PTPRN2: variants seen among roughly 807,000 people sequenced by gnomAD.
PTPRN2 encodes the protein protein tyrosine phosphatase receptor type N2, also known as receptor-type tyrosine-protein phosphatase N2.
A neutral mutation model predicts 118.8 loss-of-function variants in PTPRN2; 74 were observed. The ratio of observed to expected loss-of-function variants is 0.62; its 90% CI spans 0.52 to 0.76. The LOEUF (loss-of-function observed/expected upper bound fraction) is 0.76. PTPRN2 is among the 30% of genes least tolerant of loss of function. PTPRN2 has a pLI of 0.00. For missense variants in PTPRN2, 1,481 were observed against 1,394.4 expected, an observed-to-expected ratio of 1.06 and a Z score of -0.99; for synonymous variants, 641 against 608.0, an observed-to-expected ratio of 1.05 and a Z score of -0.80.
At position 158,093,324 on chromosome 7, in the gene PTPRN2, G is replaced by A. The variant is rs1274771706; in HGVS notation, c.1644-11947C>T. Reference sequence around the variant, plus strand: ...GTAGACCCACACGCAGGCCTGCACCGTCCTTTCCTGACTCTGCCGCTGGAC... The same window carrying A: ...GTAGACCCACACGCAGGCCTGCACCATCCTTTCCTGACTCTGCCGCTGGAC... On this transcript the variant is annotated intron_variant, in intron 10 of 22. Transcript: ENST00000389418. This position sits in a 1 kb window ranked among gnomAD's most constrained non-coding sequence, Gnocchi z 4.4. Among the ~76,000 whole-genome samples the A allele has an allele frequency of 2.1e-5, 3 of 142,186 alleles. No individual in the cohort carries two copies. The highest frequency in any genetic ancestry group is 7.1e-5 in the Admixed American group (1 of 14,086). 93.3% of individuals were successfully genotyped at this position (142,186 alleles called of 152,430 possible).
chr7:158,541,826 C>T, intron 1 of PTPRN2: 1 of 773,628 alleles, frequency 1.3e-6, no homozygotes, highest in Non-Finnish European at 1.6e-6. Context: ...TGAGAGACTG[C>T]AGAGCACCAC....
At chr7:158,437,993 G>GCCTCTTTC (rs1417175852) in intron 2 of PTPRN2, among the ~76,000 whole-genome samples, 1 of 152,180 alleles carries the variant, frequency 6.6e-6, no homozygotes, top group Non-Finnish European at 1.5e-5. Flanking sequence ...TGGTTTCTCA[G>GCCTCTTTC]CCTCTTTCGA....
intron 12 of PTPRN2, among the ~76,000 whole-genome samples, chr7:157,699,162 G>T (rs545088470): frequency 2.7e-4 from 41 of 152,294 alleles, no homozygotes; most frequent in African/African-American, 9.4e-4. Context: ...GTAAATGTTT[G>T]TTTCACAATT....
At chr7:158,387,084 G>A (rs573717903) in intron 2 of PTPRN2, among the ~76,000 whole-genome samples, 3 of 152,258 alleles carry the variant, frequency 2.0e-5, no homozygotes, top group Admixed American at 2.0e-4. Flanking sequence ...CTAGAACACG[G>A]GAGGCTCTGC....
At chr7:157,578,452 C>T (rs1800174334) in intron 17 of PTPRN2, among the ~76,000 whole-genome samples, 1 of 152,206 alleles carries the variant, frequency 6.6e-6, no homozygotes, top group Admixed American at 6.5e-5. Flanking sequence ...CAACGCCACA[C>T]ATAACAGCCA....
At chr7:157,723,746 G>A (rs1010291550) in intron 12 of PTPRN2, among the ~76,000 whole-genome samples, 1 of 152,192 alleles carries the variant, frequency 6.6e-6, no homozygotes, top group African/African-American at 2.4e-5. Context: ...CTGATGAAAG[G>A]CAAGCTCTGG....
chr7:157,884,374 G>A (rs1040880767), intron 12 of PTPRN2, among the ~76,000 whole-genome samples: 2 of 152,178 alleles, frequency 1.3e-5, no homozygotes, highest in South Asian at 4.1e-4. Flanking sequence ...TGTTTATAAA[G>A]GAGTCCTCCA....
At chr7:158,151,526 C>CTGCCCCTGCCTGCCCACACCACCCGCCT (rs1821154499) in intron 6 of PTPRN2, among the ~76,000 whole-genome samples, 1 of 151,710 alleles carries the variant, frequency 6.6e-6, no homozygotes, top group Non-Finnish European at 1.5e-5. Context: ...ACCGCACGTC[C>CTGCCCCTGCCTGCCCACACCACCCGCCT]TACTCCAGGC....
chr7:157,713,757 C>T (rs1390516123), intron 12 of PTPRN2, among the ~76,000 whole-genome samples: 4 of 152,218 alleles, frequency 2.6e-5, no homozygotes, highest in African/African-American at 9.7e-5. Flanking sequence ...CAGCTGTGGC[C>T]AGATCCAGCT....
At chr7:157,741,709 C>T (rs1337386328) in intron 12 of PTPRN2, among the ~76,000 whole-genome samples, 4 of 152,168 alleles carry the variant, frequency 2.6e-5, no homozygotes, top group Non-Finnish European at 5.9e-5. Flanking sequence ...AAGGGGACAA[C>T]TGTTTGGCCA....
chr7:158,355,554 C>T (rs1482135556), intron 2 of PTPRN2, among the ~76,000 whole-genome samples: 1 of 152,220 alleles, frequency 6.6e-6, no homozygotes, highest in Non-Finnish European at 1.5e-5. Flanking sequence ...CCACCAGCAA[C>T]AACGGCAGGA....
intron 6 of PTPRN2, among the ~76,000 whole-genome samples, chr7:158,158,433 G>A (rs1034062545): frequency 3.3e-5 from 5 of 152,288 alleles, no homozygotes; most frequent in South Asian, 2.1e-4. Context: ...CGGAAGGCTC[G>A]AAGGAGAAGA....
In PTPRN2 at chr7:158,357,873, G is replaced by A. The variant is rs369182554; in HGVS notation, c.164-40941C>T. The stretch of plus-strand genomic sequence containing the variant: ...CGCCAGCCCTCAACTCTGGCTCACC[G>A]TCCCACCACCAACTAGAGGGCCCCG... On this transcript the variant is annotated intron_variant, in intron 2 of 22. Coordinates refer to ENST00000389418, the MANE Select transcript of PTPRN2 (RefSeq NM_002847.5). Among the ~76,000 whole-genome samples the A allele has an allele frequency of 5.9e-5, 9 of 152,298 alleles. 1 individual carries two copies. The highest frequency in any genetic ancestry group is 4.1e-4 in the South Asian group (2 of 4,820).
At chr7:158,235,180 TG>T (rs1381364051) in intron 3 of PTPRN2, among the ~76,000 whole-genome samples, 5 of 152,210 alleles carry the variant, frequency 3.3e-5, no homozygotes, top group Non-Finnish European at 7.3e-5. Flanking sequence ...GAGAATAGTA[TG>T]GAGGTTGCTC....
intron 5 of PTPRN2, among the ~76,000 whole-genome samples, chr7:158,168,891 T>C (rs987534241): frequency 6.6e-6 from 1 of 152,210 alleles, no homozygotes; most frequent in African/African-American, 2.4e-5. Context: ...TTCATCAAAA[T>C]GTCATGGACA....
rs62478433 is a variant in PTPRN2 at position 158,407,655 on chromosome 7, C to G, written c.163+82080G>C. On this transcript the variant is annotated intron_variant, in intron 2 of 22. Coordinates refer to ENST00000389418, the MANE Select transcript of PTPRN2 (RefSeq NM_002847.5). ...CCTGCGTCCTGGGTCCTGGGTCCTG[C>G]ATCCTGCGTCCTGCGTCCTGGGTCC... 6.4e-4 allele frequency among the ~76,000 whole-genome samples: 16 copies of G among 24,902 alleles called. 5 individuals are homozygous for G. Among genetic ancestry groups the G allele is most frequent in the East Asian group, 9.3e-3 (2 of 214 alleles). 16.3% of individuals were successfully genotyped at this position (24,902 alleles called of 152,430 possible).
chr7:157,697,801 T>C (rs1246800189), intron 12 of PTPRN2, among the ~76,000 whole-genome samples: 12 of 137,904 alleles, frequency 8.7e-5, no homozygotes, highest in African/African-American at 1.9e-4. Flanking sequence ...TACCCATGCA[T>C]ACTGGGTCTT....
intron 5 of PTPRN2, among the ~76,000 whole-genome samples, chr7:158,176,693 T>C (rs1377933027): frequency 1.3e-5 from 2 of 152,222 alleles, no homozygotes; most frequent in Admixed American, 6.5e-5. Context: ...CAACCTGCTC[T>C]GCCTCAGATG....
chr7:158,186,272 G>C (rs1825123880), intron 5 of PTPRN2, among the ~76,000 whole-genome samples: 1 of 152,130 alleles, frequency 6.6e-6, no homozygotes, highest in African/African-American at 2.4e-5. Flanking sequence ...CTGGAATGCA[G>C]TTCATCCTCT....
Sources: gnomAD v4.1 joint callset for allele counts (sites outside exome capture counted in the v4.1 genomes callset) on GRCh38, gnomAD v4.1.1 for gene constraint, Gnocchi (gnomAD v3.1) non-coding constraint, MANE v1.5 for transcripts, NCBI Gene and HGNC (gene_info 2026-07-23, HGNC 2026-07-21) for gene names.